DHRSX: variants seen among roughly 807,000 people sequenced by gnomAD.
DHRSX encodes dehydrogenase/reductase X-linked, also known as polyprenol dehydrogenase.
In DHRSX, 31 loss-of-function variants were observed where a neutral mutation model predicts 34.0. The observed-to-expected ratio is 0.91, with a 90% CI of 0.69 to 1.23. DHRSX has a LOEUF of 1.23. Ranked by LOEUF, DHRSX falls within the 50% of genes most tolerant of loss-of-function variation. DHRSX has a pLI of 0.00. For synonymous variants in DHRSX, 201 were observed against 183.8 expected (o/e 1.09, Z -0.76); for missense variants, 414 against 428.1 (o/e 0.97, Z 0.29).
chrX:2,433,923 C>T (rs768253930), intron 1 of DHRSX, among the ~76,000 whole-genome samples: 60 of 152,176 alleles, frequency 3.9e-4, no homozygotes, highest in South Asian at 1.7e-3. Flanking sequence ...TACAGGCGCC[C>T]GCCACCACGC....
chrX:2,244,178 G>A (rs1282961422), intron 5 of DHRSX, among the ~76,000 whole-genome samples: 2 of 152,124 alleles, frequency 1.3e-5, no homozygotes, highest in Admixed American at 1.3e-4. Flanking sequence ...TGCAAGCTCT[G>A]TAGTGTGCTA....
intron 3 of DHRSX, among the ~76,000 whole-genome samples, chrX:2,307,206 C>A (rs983373107): frequency 6.6e-6 from 1 of 152,114 alleles, no homozygotes; most frequent in Non-Finnish European, 1.5e-5. Flanking sequence ...TGAATTAACA[C>A]AGAAACGGAA....
At chrX:2,339,978 C>G (rs1289621195) in intron 3 of DHRSX, among the ~76,000 whole-genome samples, 1 of 152,134 alleles carries the variant, frequency 6.6e-6, no homozygotes, top group African/African-American at 2.4e-5. Context: ...AATTTACACT[C>G]CCACCAACAG....
chrX:2,297,681 A>T (rs1471848488), intron 3 of DHRSX, among the ~76,000 whole-genome samples: 1 of 151,552 alleles, frequency 6.6e-6, no homozygotes, highest in African/African-American at 2.4e-5. Flanking sequence ...TAGGTCTCAA[A>T]CTCCTGGCCT....
At chrX:2,326,019 C>T (rs1320128302) in intron 3 of DHRSX, among the ~76,000 whole-genome samples, 1 of 152,158 alleles carries the variant, frequency 6.6e-6, no homozygotes, top group Admixed American at 6.6e-5. Context: ...TCACAATAGG[C>T]AAAGAGCAGA....
At chrX:2,450,404 G>A (rs1260408863) in intron 1 of DHRSX, among the ~76,000 whole-genome samples, 4 of 152,090 alleles carry the variant, frequency 2.6e-5, no homozygotes, top group African/African-American at 9.7e-5. Context: ...GAAGGTTGCA[G>A]CGAGCCAAGA....
At chrX:2,432,957 T>A (rs1026790067) in intron 1 of DHRSX, among the ~76,000 whole-genome samples, 6 of 152,018 alleles carry the variant, frequency 3.9e-5, no homozygotes, top group African/African-American at 1.4e-4. Flanking sequence ...GCCTCATCTC[T>A]ACAAAAAATT....
intron 1 of DHRSX, among the ~76,000 whole-genome samples, chrX:2,473,192 ACG>A (rs1297808342): frequency 4.5e-4 from 68 of 152,308 alleles, no homozygotes; most frequent in African/African-American, 1.6e-3. Flanking sequence ...CAGGGACAAC[ACG>A]TGGGACGCCA....
intron 3 of DHRSX, among the ~76,000 whole-genome samples, chrX:2,311,270 G>A: frequency 6.6e-6 from 1 of 152,024 alleles, no homozygotes; most frequent in Non-Finnish European, 1.5e-5. Flanking sequence ...GAGAGAGATG[G>A]GGAGAGAGCT....
At chrX:2,271,470 T>C (rs1383611977) in intron 4 of DHRSX, among the ~76,000 whole-genome samples, 5 of 152,224 alleles carry the variant, frequency 3.3e-5, no homozygotes, top group African/African-American at 1.2e-4. Flanking sequence ...GCTTCTCACC[T>C]GCACACACTT....
chrX:2,248,633 G>A lies in DHRSX; in HGVS notation c.597-5403C>T, dbSNP rs867171846. On this transcript the variant is annotated intron_variant, in intron 5 of 6. Coordinates refer to ENST00000334651, the MANE Select transcript of DHRSX (RefSeq NM_145177.3). ...TGTCTCAAAAAAAAAAAAAGAAAAA[G>A]AAAAGAAAAGAAAAAGAAAGAAAAG... 2.2e-3 allele frequency among the ~76,000 whole-genome samples: 231 copies of A among 107,318 alleles called. 1 individual carries two copies. Among genetic ancestry groups the A allele is most frequent in the African/African-American group, 7.5e-3 (210 of 28,064 alleles). 70.4% of individuals were successfully genotyped at this position (107,318 alleles called of 152,430 possible).
intron 3 of DHRSX, among the ~76,000 whole-genome samples, chrX:2,308,085 G>T (rs1356591526): frequency 1.3e-5 from 2 of 152,082 alleles, no homozygotes; most frequent in East Asian, 1.9e-4. Context: ...ATAATTTAGA[G>T]AAATGAAAGT....
chrX:2,367,985 G>T lies in DHRSX; in HGVS notation c.286+40760C>A, dbSNP rs2043013920. Among the ~76,000 whole-genome samples, 10 of 152,170 alleles carry T rather than the reference G, an allele frequency of 6.6e-5. No homozygotes were observed. In the South Asian group the frequency reaches 2.1e-3, roughly 32 times the overall value. Reference sequence around the variant, plus strand: ...AGGCCAGGCACGGAGGCTCACACCTGTAATCCCAGCACTTTGGGAGGCCGA... The same window carrying T: ...AGGCCAGGCACGGAGGCTCACACCTTTAATCCCAGCACTTTGGGAGGCCGA... On this transcript the variant is annotated intron_variant, in intron 3 of 6. Transcript: ENST00000334651.
At chrX:2,238,132 T>A (rs1241687141) in intron 6 of DHRSX, among the ~76,000 whole-genome samples, 3 of 152,070 alleles carry the variant, frequency 2.0e-5, no homozygotes, top group East Asian at 1.9e-4. Flanking sequence ...AGCAGGAGGA[T>A]CGCTTGGGGC....
At chrX:2,386,193 T>TTATG (rs891077005) in intron 3 of DHRSX, among the ~76,000 whole-genome samples, 1 of 150,458 alleles carries the variant, frequency 6.6e-6, no homozygotes, top group Admixed American at 6.6e-5. Flanking sequence ...ATTTATTTAT[T>TTATG]TATTTTGTGT....
intron 3 of DHRSX, among the ~76,000 whole-genome samples, chrX:2,349,629 G>A (rs1049252990): frequency 5.9e-5 from 9 of 152,120 alleles, no homozygotes; most frequent in Non-Finnish European, 8.8e-5. Context: ...GGAGGTTGCA[G>A]TGAGCTGAGA....
intron 3 of DHRSX, among the ~76,000 whole-genome samples, chrX:2,353,451 A>G (rs1457953231): frequency 1.3e-5 from 2 of 152,154 alleles, no homozygotes; most frequent in Non-Finnish European, 2.9e-5. Flanking sequence ...CCAAGGTTCC[A>G]TTTGCTACAG....
chrX:2,307,084 G>T (rs2042107199), intron 3 of DHRSX, among the ~76,000 whole-genome samples: 1 of 152,058 alleles, frequency 6.6e-6, no homozygotes, highest in Non-Finnish European at 1.5e-5. Flanking sequence ...TGTGTTGGAT[G>T]AAGAAAATGT....
chrX:2,450,181 G>C (rs949397193), intron 1 of DHRSX, among the ~76,000 whole-genome samples: 2 of 151,830 alleles, frequency 1.3e-5, no homozygotes, highest in Non-Finnish European at 2.9e-5. Flanking sequence ...AAACACAGTA[G>C]AGCAGTTTCA....
Sources: gnomAD v4.1 joint callset for allele counts (sites outside exome capture counted in the v4.1 genomes callset) on GRCh38, gnomAD v4.1.1 for gene constraint, MANE v1.5 for transcripts, NCBI Gene and HGNC (gene_info 2026-07-23, HGNC 2026-07-21) for gene names.